The following CNTNAP4 variants were observed in gnomAD, a reference collection of about 807,000 sequenced individuals.
CNTNAP4 encodes contactin associated protein family member 4.
CNTNAP4 carries 98 observed loss-of-function variants against 148.4 expected under a neutral mutation model. The observed-to-expected ratio is 0.66, with a 90% CI of 0.56 to 0.78. CNTNAP4 has a LOEUF of 0.78. Among genes scored for constraint, CNTNAP4 ranks in the 30% least tolerant of loss-of-function variants. The probability of loss-of-function intolerance (pLI) is 0.00; values close to 1 mark genes in which losing one functional copy is unlikely to be tolerated. For synonymous variants in CNTNAP4, 730 were observed against 565.1 expected (o/e 1.29, Z -4.14); for missense variants, 1,935 against 1,565.6 (o/e 1.24, Z -3.98).
intron 17 of CNTNAP4, among the ~76,000 whole-genome samples, chr16:76,534,087 C>T (rs539225885): frequency 2.6e-5 from 4 of 152,198 alleles, no homozygotes; most frequent in Admixed American, 6.5e-5. Flanking sequence ...TCATTAAATT[C>T]GGGCCTCATT....
At chr16:76,522,920 G>T (rs1409380188) in intron 17 of CNTNAP4, among the ~76,000 whole-genome samples, 1 of 151,098 alleles carries the variant, frequency 6.6e-6, no homozygotes, top group African/African-American at 2.4e-5. Context: ...CTACCACTAC[G>T]CCTGGCTAAT....
chr16:76,342,137 T>C (rs1242033320), intron 2 of CNTNAP4, among the ~76,000 whole-genome samples: 3 of 152,220 alleles, frequency 2.0e-5, no homozygotes, highest in African/African-American at 7.2e-5. Flanking sequence ...AAATTCATTA[T>C]GGAAACTGTG....
intron 2 of CNTNAP4, among the ~76,000 whole-genome samples, chr16:76,327,836 C>T (rs939344210): frequency 2.0e-5 from 3 of 152,198 alleles, no homozygotes; most frequent in Non-Finnish European, 4.4e-5. Flanking sequence ...GATAAGGCTG[C>T]TCAGAAGTGT....
At chr16:76,317,917 A>T (rs183583699) in intron 2 of CNTNAP4, among the ~76,000 whole-genome samples, 1 of 152,286 alleles carries the variant, frequency 6.6e-6, no homozygotes, top group Admixed American at 6.5e-5. Context: ...GAGAACTGAG[A>T]TCCTTCTGTC....
intron 2 of CNTNAP4, among the ~76,000 whole-genome samples, chr16:76,323,646 C>G (rs1210011785): frequency 2.0e-5 from 3 of 152,162 alleles, no homozygotes; most frequent in Non-Finnish European, 2.9e-5. Context: ...CTGGTTCCCT[C>G]TTGGCTTTCG....
At chr16:76,483,892 A>G (rs915908627) in intron 12 of CNTNAP4, among the ~76,000 whole-genome samples, 1 of 152,158 alleles carries the variant, frequency 6.6e-6, no homozygotes, top group Non-Finnish European at 1.5e-5. Flanking sequence ...AGTAATGAGA[A>G]TCTGTGTGTG....
chr16:76,326,469 A>T (rs1282636513), intron 2 of CNTNAP4, among the ~76,000 whole-genome samples: 1 of 152,194 alleles, frequency 6.6e-6, no homozygotes, highest in East Asian at 1.9e-4. Flanking sequence ...AAGGATTATA[A>T]ATTATGCTGC....
At chr16:76,319,949 A>G (rs1223131673) in intron 2 of CNTNAP4, among the ~76,000 whole-genome samples, 1 of 152,186 alleles carries the variant, frequency 6.6e-6, no homozygotes, top group Non-Finnish European at 1.5e-5. Context: ...AAACAAATAC[A>G]GATTTTGGTA....
chr16:76,551,328 G>A (rs1411002651), intron 21 of CNTNAP4, among the ~76,000 whole-genome samples: 1 of 151,566 alleles, frequency 6.6e-6, no homozygotes, highest in Admixed American at 6.6e-5. Context: ...AGCCTGGGAG[G>A]CAAAAGCTGC....
chr16:76,356,371 G>A (rs928540277), intron 3 of CNTNAP4, among the ~76,000 whole-genome samples: 3 of 152,080 alleles, frequency 2.0e-5, no homozygotes, highest in African/African-American at 4.8e-5. Context: ...TCTAGTCTCT[G>A]TAAAGTGTAT....
chr16:76,421,748 G>A (rs909694017), intron 3 of CNTNAP4, among the ~76,000 whole-genome samples: 1 of 152,108 alleles, frequency 6.6e-6, no homozygotes, highest in Non-Finnish European at 1.5e-5. Context: ...ACACATGTAG[G>A]TCACAAGAAT....
chr16:76,519,928 A>G (rs1044045673), intron 15 of CNTNAP4, among the ~76,000 whole-genome samples: 18 of 152,228 alleles, frequency 1.2e-4, no homozygotes, highest in Non-Finnish European at 2.5e-4. Context: ...AATTTAAGAA[A>G]CACGTATAAG....
At chr16:76,321,834 G>T (rs959349106) in intron 2 of CNTNAP4, among the ~76,000 whole-genome samples, 94 of 148,862 alleles carry the variant, frequency 6.3e-4, no homozygotes, top group East Asian at 1.6e-3. Flanking sequence ...TTTTTAAAAT[G>T]ATAGTATTAA....
chr16:76,510,752 T>G (rs2082988925), intron 15 of CNTNAP4, among the ~76,000 whole-genome samples: 1 of 152,194 alleles, frequency 6.6e-6, no homozygotes, highest in Non-Finnish European at 1.5e-5. Flanking sequence ...TGCTTTATTT[T>G]CAGAATTCTT....
At chr16:76,305,978 A>G (rs1045160037) in intron 1 of CNTNAP4, among the ~76,000 whole-genome samples, 4 of 152,174 alleles carry the variant, frequency 2.6e-5, no homozygotes, top group Non-Finnish European at 5.9e-5. Flanking sequence ...TGTTGCTGTG[A>G]AGGAGATGAT....
chr16:76,543,668 G>A (rs2084560267), intron 21 of CNTNAP4, among the ~76,000 whole-genome samples: 1 of 152,182 alleles, frequency 6.6e-6, no homozygotes. Flanking sequence ...GAGCCATTGA[G>A]TTAAAGTCAG....
chr16:76,376,628 T>C (rs564305515), intron 3 of CNTNAP4, among the ~76,000 whole-genome samples: 26 of 152,284 alleles, frequency 1.7e-4, no homozygotes, highest in Non-Finnish European at 2.6e-4. Context: ...CATGAACAGG[T>C]CACCTGTGCA....
intron 3 of CNTNAP4, among the ~76,000 whole-genome samples, chr16:76,396,891 T>G (rs570056658): frequency 6.6e-6 from 1 of 152,222 alleles, no homozygotes; most frequent in East Asian, 1.9e-4. Context: ...AAGCTATTTA[T>G]CACAAGAATA....
In CNTNAP4 at chr16:76,277,670, C is replaced by A; in HGVS notation, c.8C>A (p.Ser3Tyr). The A allele has an allele frequency of 6.2e-7, 1 of 1,602,248 alleles. No individual in the cohort carries two copies. The highest frequency in any genetic ancestry group is 8.5e-7 in the Non-Finnish European group (1 of 1,173,636). Residue 3 changes from serine (S) to tyrosine (Y), a missense_variant, in exon 1 of 24, where the codon TCT becomes TAT. Ser to Tyr is a moderately radical substitution (Grantham distance 144). Coordinates refer to ENST00000611870, the MANE Select transcript of CNTNAP4 (RefSeq NM_033401.5). ...AGCCCAATAAATGTGAACATGGGATCTGTCACGGGAGCTGTCCTCAAGACG... is the reference window on the plus strand; with the variant it reads ...AGCCCAATAAATGTGAACATGGGATATGTCACGGGAGCTGTCCTCAAGACG... MG[S>Y]VTGAVLKTLL...
Sources: allele counts gnomAD v4.1 joint callset (sites outside exome capture counted in the v4.1 genomes callset), GRCh38; gene constraint gnomAD v4.1.1; transcripts MANE v1.5; gene names NCBI Gene and HGNC (gene_info 2026-07-23, HGNC 2026-07-21).